PDCD6IP: variants seen among roughly 807,000 people sequenced by gnomAD.
PDCD6IP encodes the protein programmed cell death 6 interacting protein, also known as programmed cell death 6-interacting protein.
A neutral mutation model predicts 103.7 loss-of-function variants in PDCD6IP; 43 were observed. The observed-to-expected ratio is 0.41, with a 90% CI of 0.32 to 0.53. PDCD6IP has a LOEUF of 0.53. Among genes scored for constraint, PDCD6IP ranks in the 20% least tolerant of loss-of-function variants. The probability of loss-of-function intolerance (pLI) is 0.16; values close to 1 mark genes in which losing one functional copy is unlikely to be tolerated. For synonymous variants in PDCD6IP, 354 were observed against 378.7 expected (o/e 0.93, Z 0.76); for missense variants, 871 against 1,036.7 (o/e 0.84, Z 2.20).
chr3:33,829,948 C>T (rs1312713851), intron 7 of PDCD6IP, among the ~76,000 whole-genome samples: 1 of 152,072 alleles, frequency 6.6e-6, no homozygotes, highest in Non-Finnish European at 1.5e-5. Flanking sequence ...CAAGAGGGAG[C>T]CAAACTGCTC....
Position 33,836,690 on chromosome 3 carries a change from A to T in PDCD6IP, c.1057+424A>T, listed in dbSNP as rs1045261483. ...GAGCAACTGGCAAAACCCTGTCTCTACCAAAAAAAAAAAAAAAAATTAACT... is the reference window on the plus strand; with the variant it reads ...GAGCAACTGGCAAAACCCTGTCTCTTCCAAAAAAAAAAAAAAAAATTAACT... On this transcript the variant is annotated intron_variant, in intron 8 of 17. Transcript: ENST00000307296. 4.9e-5 allele frequency among the ~76,000 whole-genome samples: 6 copies of T among 123,306 alleles called. No homozygotes were observed. The Admixed American group carries it at 5.2e-4, about 11-fold the overall frequency. The allele number at this position is 123,306 out of a possible 152,430, so 80.9% of individuals were successfully genotyped here. A position where few individuals can be genotyped will look rare whatever the true frequency, so the allele number is the denominator to read the frequency against.
intron 1 of PDCD6IP, among the ~76,000 whole-genome samples, chr3:33,808,548 G>A (rs1278466033): frequency 1.3e-5 from 2 of 152,104 alleles, no homozygotes; most frequent in African/African-American, 4.8e-5. Flanking sequence ...CAAAGTGTTG[G>A]GATTACAGGC....
intron 2 of PDCD6IP, among the ~76,000 whole-genome samples, chr3:33,812,364 T>A (rs534174791): frequency 6.6e-6 from 1 of 152,368 alleles, no homozygotes; most frequent in South Asian, 2.1e-4. Context: ...TTGGACTTCA[T>A]TTTATGTCAG....
chr3:33,859,320 A>C (rs1046573752), intron 15 of PDCD6IP, among the ~76,000 whole-genome samples: 1 of 152,180 alleles, frequency 6.6e-6, no homozygotes, highest in Non-Finnish European at 1.5e-5. Flanking sequence ...AGCAGGATCT[A>C]ATAACTCCTA....
chr3:33,838,412 C>G (rs1294206524), intron 9 of PDCD6IP, 85 bp downstream of exon 9: 5 of 1,242,308 alleles, frequency 4.0e-6, no homozygotes, highest in Non-Finnish European at 5.8e-6. Flanking sequence ...GAGCTTAGAG[C>G]TAAATGTCAA....
chr3:33,835,972 T>C, intron 7 of PDCD6IP, 72 bp from the exon 8 acceptor site: 1 of 881,530 alleles, frequency 1.1e-6, no homozygotes, highest in South Asian at 1.6e-5. Context: ...AATGCTTAAA[T>C]ACTTGGTGGG....
intron 1 of PDCD6IP, among the ~76,000 whole-genome samples, chr3:33,804,715 A>C (rs1696553506): frequency 6.6e-6 from 1 of 152,230 alleles, no homozygotes; most frequent in Admixed American, 6.5e-5. Context: ...CCACAAAGCT[A>C]TCTTTATGGC....
Position 33,826,496 on chromosome 3 carries a change from C to G in PDCD6IP, c.633C>G (p.Ala211=). Residue 211 remains alanine (A), a synonymous_variant, in exon 6 of 18, where the codon GCC becomes GCG. Transcript: ENST00000307296. ...LKATRDKMKD[A]IIAKLANQAA... is the part of the protein sequence containing the mutation. ...GTATTCCAGATAAAATGAAAGATGC[C>G]ATCATAGCTAAATTGGCTAATCAGG... is the stretch of plus-strand genomic sequence containing the variant. The G allele has an allele frequency of 1.2e-6, 2 of 1,606,490 alleles. No homozygotes were observed. Among genetic ancestry groups the G allele is most frequent in the Non-Finnish European group, 1.7e-6 (2 of 1,175,894 alleles).
At chr3:33,830,065 G>A (rs1195716591) in intron 7 of PDCD6IP, among the ~76,000 whole-genome samples, 1 of 152,086 alleles carries the variant, frequency 6.6e-6, no homozygotes, top group African/African-American at 2.4e-5. Context: ...ATGCCCCCAC[G>A]TCCCAACACT....
chr3:33,863,778 C>T, intron 15 of PDCD6IP: 1 of 509,384 alleles, frequency 2.0e-6, no homozygotes, highest in Non-Finnish European at 3.5e-6. Context: ...ATATACCCAG[C>T]AGTGGGATTG....
intron 15 of PDCD6IP, among the ~76,000 whole-genome samples, chr3:33,857,789 A>T (rs1697861598): frequency 6.6e-6 from 1 of 152,134 alleles, no homozygotes; most frequent in African/African-American, 2.4e-5. Context: ...GTAACATGAA[A>T]ATATATATAT....
chr3:33,839,464 G>C (rs1399727482), intron 9 of PDCD6IP, among the ~76,000 whole-genome samples: 1 of 151,778 alleles, frequency 6.6e-6, no homozygotes, highest in Non-Finnish European at 1.5e-5. Flanking sequence ...TATGGTTATA[G>C]GGCAGTATTC....
rs1009433947 is a variant in PDCD6IP, at chr3:33,802,571, C to T, written c.209+3634C>T. Among the ~76,000 whole-genome samples the T allele has an allele frequency of 9.2e-5, 14 of 151,472 alleles. No individual in the cohort carries two copies. The East Asian group carries it at 2.7e-3, about 29-fold the overall frequency. On this transcript the variant is annotated intron_variant, in intron 1 of 17. Transcript: ENST00000307296. ...GTGGCATGATCTCGGCTCACCACAA[C>T]CTCCGCCTCTCGGGTTCAAACGATT...
chr3:33,818,271 C>T (rs1450839171), intron 3 of PDCD6IP, among the ~76,000 whole-genome samples: 1 of 150,964 alleles, frequency 6.6e-6, no homozygotes, highest in African/African-American at 2.4e-5. Flanking sequence ...CCACGCCTGG[C>T]GAATTTTTGT....
intron 6 of PDCD6IP, 22 bp from the exon 7 acceptor site, chr3:33,828,831 T>C (rs777172340): frequency 3.7e-5 from 59 of 1,612,232 alleles, no homozygotes; most frequent in Non-Finnish European, 5.0e-5. Context: ...GACTCTCCCC[T>C]GGTCAGTATT....
At chr3:33,839,420 T>A (rs2125564732) in intron 9 of PDCD6IP, among the ~76,000 whole-genome samples, 1 of 152,358 alleles carries the variant, frequency 6.6e-6, no homozygotes, top group African/African-American at 2.4e-5. Flanking sequence ...TGTATCAGTT[T>A]CAGTCTTTTC....
At chr3:33,850,003 G>T (rs1158830728) in intron 12 of PDCD6IP, among the ~76,000 whole-genome samples, 1 of 152,024 alleles carries the variant, frequency 6.6e-6, no homozygotes, top group South Asian at 2.1e-4. Flanking sequence ...GACCCTCTCT[G>T]TATCAGTCTG....
chr3:33,845,684 T>C, intron 12 of PDCD6IP, 96 bp downstream of exon 12: 3 of 925,510 alleles, frequency 3.2e-6, no homozygotes, highest in Non-Finnish European at 4.9e-6. Context: ...ATTGTCAACT[T>C]TAAAAAAATG....
At chr3:33,801,179 T>C (rs1696468457) in intron 1 of PDCD6IP, among the ~76,000 whole-genome samples, 1 of 152,210 alleles carries the variant, frequency 6.6e-6, no homozygotes, top group African/African-American at 2.4e-5. Context: ...TTTGTAGGTA[T>C]ATACGCTGTA....
Sources: gnomAD v4.1 joint callset for allele counts (sites outside exome capture counted in the v4.1 genomes callset) on GRCh38, gnomAD v4.1.1 for gene constraint, MANE v1.5 for transcripts, NCBI Gene and HGNC (gene_info 2026-07-23, HGNC 2026-07-21) for gene names.